Variants in CD99L2 observed in about 807,000 individuals in gnomAD.
The protein encoded by CD99L2 is CD99 molecule like 2.
In CD99L2, 24 loss-of-function variants were observed where a neutral mutation model predicts 27.3. The observed-to-expected ratio is 0.88, with a 90% CI of 0.64 to 1.24. The LOEUF (loss-of-function observed/expected upper bound fraction) is 1.24, where lower values mean the gene tolerates loss of function less well. Ranked by LOEUF, CD99L2 falls within the 50% of genes most tolerant of loss-of-function variation. The pLI, the probability that CD99L2 is intolerant of heterozygous loss-of-function variation, is 0.00. For synonymous variants in CD99L2, 97 were observed against 87.9 expected (o/e 1.10, Z -0.58); for missense variants, 255 against 221.6 (o/e 1.15, Z -0.96).
intron 2 of CD99L2, 64 bp downstream of exon 2, chrX:150,831,167 G>T: frequency 1.2e-6 from 1 of 867,364 alleles, no homozygotes; most frequent in Non-Finnish European, 1.7e-6. Context: ...CATATATTCT[G>T]AGTGGATGAT....
intron 7 of CD99L2, among the ~76,000 whole-genome samples, chrX:150,790,879 T>C (rs1231778421): frequency 8.9e-6 from 1 of 111,968 alleles, no homozygotes; most frequent in Non-Finnish European, 1.9e-5. Flanking sequence ...TTGTATCCCG[T>C]CTCTCAAGGT....
At chrX:150,788,359 A>C (rs2045632535) in intron 7 of CD99L2, among the ~76,000 whole-genome samples, 1 of 111,097 alleles carries the variant, frequency 9.0e-6, no homozygotes, top group African/African-American at 3.3e-5. Flanking sequence ...TTTTAAACAG[A>C]GGAATGACAG....
chrX:150,833,744 G>T (rs1188911386), intron 1 of CD99L2, among the ~76,000 whole-genome samples: 2 of 111,492 alleles, frequency 1.8e-5, no homozygotes, highest in Admixed American at 9.6e-5. Flanking sequence ...AATGAAACTG[G>T]ACCCCTATCT....
In CD99L2 at chrX:150,793,679, C is replaced by G; in HGVS notation, c.496+12G>C. On this transcript the variant is annotated intron_variant, in intron 7 of 10. Coordinates refer to ENST00000370377, the MANE Select transcript of CD99L2 (RefSeq NM_031462.4). Reference sequence around the variant, plus strand: ...GAATAAGGGTTGTGTTGGCACAAATCAATGCTCCTACCTTTACCCTTGTCA... The same window carrying G: ...GAATAAGGGTTGTGTTGGCACAAATGAATGCTCCTACCTTTACCCTTGTCA... The G allele has an allele frequency of 8.5e-7, 1 of 1,178,294 alleles. No individual in the cohort carries two copies. Among genetic ancestry groups the G allele is most frequent in the Non-Finnish European group, 1.1e-6 (1 of 878,587 alleles).
At chrX:150,789,132 T>C (rs1603290229) in intron 7 of CD99L2, among the ~76,000 whole-genome samples, 2 of 102,459 alleles carry the variant, frequency 2.0e-5, no homozygotes, top group African/African-American at 7.1e-5. Flanking sequence ...TTCTTTTTTT[T>C]TTTTTTTTGA....
intron 1 of CD99L2, among the ~76,000 whole-genome samples, chrX:150,884,249 T>A (rs1314195288): frequency 8.9e-6 from 1 of 111,997 alleles, no homozygotes; most frequent in Non-Finnish European, 1.9e-5. Context: ...ACAGGCATTT[T>A]TAAACCATAT....
intron 1 of CD99L2, among the ~76,000 whole-genome samples, chrX:150,863,519 G>C (rs1009249971): frequency 8.9e-6 from 1 of 112,232 alleles, no homozygotes; most frequent in Non-Finnish European, 1.9e-5. Context: ...TCCAAGAGGA[G>C]CAGCCACATA....
At chrX:150,847,421 G>A (rs1232665945) in intron 1 of CD99L2, among the ~76,000 whole-genome samples, 1 of 111,769 alleles carries the variant, frequency 8.9e-6, no homozygotes, top group Non-Finnish European at 1.9e-5. Context: ...TTCTGATAGG[G>A]ATTGTGTTGA....
chrX:150,779,199 C>T (rs782342979), intron 7 of CD99L2, among the ~76,000 whole-genome samples: 1 of 112,166 alleles, frequency 8.9e-6, no homozygotes, highest in African/African-American at 3.2e-5. Flanking sequence ...ACAGGTCGAA[C>T]CCCTTCCTAA....
In CD99L2 at chrX:150,898,069, C is replaced by G. The variant is rs782015683; in HGVS notation, c.67+453G>C. On this transcript the variant is annotated intron_variant, in intron 1 of 10. Coordinates refer to ENST00000370377, the MANE Select transcript of CD99L2 (RefSeq NM_031462.4). ...CGCCTCGCTGACCCCCCCCCCCCCC[C>G]CCCACAGCCCATGCCCGCTGTGATC... Among the ~76,000 whole-genome samples, 16 of 51,043 alleles carry G rather than the reference C, an allele frequency of 3.1e-4. 1 individual carries two copies. Among genetic ancestry groups the G allele is most frequent in the East Asian group, 2.4e-3 (4 of 1,700 alleles). The allele number at this position is 51,043 out of a possible 115,157, so 44.3% of individuals were successfully genotyped here.
Position 150,769,168 on chromosome X carries a change from G to T in CD99L2, c.722-67C>A, listed in dbSNP as rs995685465. ...TTGCACAGAAGAAGCAAATACAGCA[G>T]CAAGCCCGTGCTGGGAACAGAACTG... On this transcript the variant is annotated intron_variant, in intron 10 of 10. Transcript: ENST00000370377. 27 of 1,083,625 alleles carry T rather than the reference G, an allele frequency of 2.5e-5. No homozygotes were observed. The Admixed American group carries it at 8.5e-4, about 34-fold the overall frequency. The allele number at this position is 1,083,625 out of a possible 1,213,427, so 89.3% of individuals were successfully genotyped here.
chrX:150,897,283 C>T (rs1213211878), intron 1 of CD99L2, among the ~76,000 whole-genome samples: 1 of 112,382 alleles, frequency 8.9e-6, no homozygotes, highest in Non-Finnish European at 1.9e-5. Flanking sequence ...TCTGCCCGGA[C>T]CAGGATGTAA....
chrX:150,822,563 T>C (rs377187190), intron 2 of CD99L2, among the ~76,000 whole-genome samples: 2 of 112,013 alleles, frequency 1.8e-5, no homozygotes, highest in African/African-American at 6.5e-5. Context: ...AGTGATCTAA[T>C]GTAAAACATG....
intron 1 of CD99L2, among the ~76,000 whole-genome samples, chrX:150,890,620 C>A (rs1477110399): frequency 9.0e-6 from 1 of 111,350 alleles, no homozygotes; most frequent in African/African-American, 3.3e-5. Context: ...ACACCCCCGC[C>A]CCCACCTTGA....
intron 1 of CD99L2, among the ~76,000 whole-genome samples, chrX:150,875,451 A>G (rs1557422295): frequency 8.9e-6 from 1 of 112,070 alleles, no homozygotes; most frequent in African/African-American, 3.2e-5. Flanking sequence ...AAGATAAAGA[A>G]CAAGTTTAAT....
chrX:150,879,697 A>T lies in CD99L2; in HGVS notation c.67+18825T>A, dbSNP rs782333499. ...CAAGGCAGAAGGATCAATTGAGCCT[A>T]GGAGTTCAAGACCAGCCTGGGCAAC... On this transcript the variant is annotated intron_variant, in intron 1 of 10. Transcript: ENST00000370377. 6.2e-5 allele frequency among the ~76,000 whole-genome samples: 6 copies of T among 97,226 alleles called. No individual in the cohort carries two copies. In the East Asian group the frequency reaches 1.7e-3, roughly 28 times the overall value. The allele number at this position is 97,226 out of a possible 115,157, so 84.4% of individuals were successfully genotyped here.
Position 150,767,660 on chromosome X carries a change from G to A in CD99L2, c.*1374C>T, listed in dbSNP as rs1223898215. On this transcript the variant is annotated 3_prime_UTR_variant, in exon 11 of 11. Transcript: ENST00000370377. ...CACTCAGCAGACAATCCCGCTCAGT[G>A]GACAGCCTATGAAACGCATGGGGCC... 8.9e-6 allele frequency: 1 copy of A among 111,991 alleles called. No individual in the cohort carries two copies. The highest frequency in any genetic ancestry group is 3.2e-5 in the African/African-American group (1 of 30,820). 9.2% of individuals were successfully genotyped at this position (111,991 alleles called of 1,213,427 possible). A position where few individuals can be genotyped will look rare whatever the true frequency, so the allele number is the denominator to read the frequency against.
chrX:150,864,804 T>G (rs1557421991), intron 1 of CD99L2, among the ~76,000 whole-genome samples: 1 of 112,616 alleles, frequency 8.9e-6, no homozygotes. Context: ...AACAGGTGCT[T>G]CACAACCATG....
chrX:150,860,998 C>T lies in CD99L2; in HGVS notation c.68-29705G>A, dbSNP rs146677591. Among the ~76,000 whole-genome samples, 553 of 108,231 alleles carry T rather than the reference C, an allele frequency of 5.1e-3. 7 individuals carry two copies. Among genetic ancestry groups the T allele is most frequent in the Middle Eastern group, 0.014 (3 of 213 alleles). The allele number at this position is 108,231 out of a possible 115,157, so 94.0% of individuals were successfully genotyped here. On this transcript the variant is annotated intron_variant, in intron 1 of 10. Transcript: ENST00000370377. ...CTACTATAAAACACAAAAAATTAGC[C>T]GGGTGTGGTGGCAGGCACCTGTAGT...
Sources: gnomAD v4.1 joint callset for allele counts (sites outside exome capture counted in the v4.1 genomes callset) on GRCh38, gnomAD v4.1.1 for gene constraint, MANE v1.5 for transcripts, NCBI Gene and HGNC (gene_info 2026-07-23, HGNC 2026-07-21) for gene names.